The following HPS6 variants were observed in gnomAD, a reference collection of about 807,000 sequenced individuals.
The protein encoded by HPS6 is HPS6 biogenesis of lysosomal organelles complex 2 subunit 3.
A neutral mutation model predicts 53.6 loss-of-function variants in HPS6; 46 were observed. That is an observed-to-expected ratio of 0.86 (90% CI 0.68 to 1.10). The LOEUF (loss-of-function observed/expected upper bound fraction) is 1.10. Ranked by LOEUF, HPS6 falls within the 50% of genes least tolerant of loss-of-function variation. The pLI is 0.00. For missense variants in HPS6, 1,034 were observed against 991.3 expected, an observed-to-expected ratio of 1.04 and a Z score of -0.58; for synonymous variants, 535 against 470.8, an observed-to-expected ratio of 1.14 and a Z score of -1.77.
rs2067960871 is a variant in HPS6 at position 102,065,526 on chromosome 10, G to C, written c.52G>C (p.Gly18Arg). ...GCTCTCGGACCTGAGCGCCTTCGGC[G>C]GCGCGGCGCGGCTCCGGGAGCTGGT... is the stretch of plus-strand genomic sequence containing the variant. ...RLLSDLSAFG[G>R]AARLRELVAG... is the part of the protein sequence containing the mutation. The change falls in exon 1 of 1, where the codon GGC (glycine) becomes CGC (arginine). Residue 18 changes from glycine to arginine, a missense_variant. Gly to Arg is a moderately radical substitution (Grantham distance 125). Coordinates refer to ENST00000299238, the MANE Select transcript of HPS6 (RefSeq NM_024747.6). 2 of 1,550,938 alleles carry C rather than the reference G, an allele frequency of 1.3e-6. No individual in the cohort carries two copies. The highest frequency in any genetic ancestry group is 1.4e-5 in the African/African-American group (1 of 70,856).
At position 102,066,012 on chromosome 10, in the gene HPS6, C is replaced by T. The variant is rs750622914; in HGVS notation, c.538C>T (p.Arg180Cys). ...CGGGGAAGCTAGCACCAGCCTGGGC[C>T]GCACACACGTCCTGCTGCACCACTG... ...PSGEASTSLG[R>C]THVLLHHCPA... The change falls in exon 1 of 1, where the codon CGC becomes TGC. Residue 180 changes from arginine to cysteine, a missense_variant. By Grantham distance (180) the Arg-to-Cys change is radical (BLOSUM62 -3). Transcript: ENST00000299238. 1.9e-6 allele frequency: 3 copies of T among 1,604,508 alleles called. No individual in the cohort carries two copies. Among genetic ancestry groups the T allele is most frequent in the Non-Finnish European group, 1.7e-6 (2 of 1,179,896 alleles).
In HPS6 at chr10:102,067,406, G is replaced by T; in HGVS notation, c.1932G>T (p.Val644=). The change falls in exon 1 of 1, where the codon GTG becomes GTT. Residue 644 remains valine (V), a synonymous_variant. Transcript: ENST00000299238. ...KAVLQAVGQL[V]QKEQWDRALD... ...TGCTCCAAGCTGTCGGGCAGCTGGT[G>T]CAAAAGGAACAATGGGATCGGGCTC... The T allele has an allele frequency of 6.2e-7, 1 of 1,612,910 alleles. No homozygotes were observed. The highest frequency in any genetic ancestry group is 8.5e-7 in the Non-Finnish European group (1 of 1,180,020).
At position 102,067,951 on chromosome 10, in the gene HPS6, T is replaced by C. The variant is rs953028046; in HGVS notation, c.*149T>C. The C allele has an allele frequency of 1.2e-5, 10 of 845,762 alleles. No homozygotes were observed. In the African/African-American group the frequency reaches 1.7e-4, roughly 14 times the overall value. The allele number at this position is 845,762 out of a possible 1,614,324, so 52.4% of individuals were successfully genotyped here. On this transcript the variant is annotated 3_prime_UTR_variant, in exon 1 of 1. Transcript: ENST00000299238. ...GGTGCCTGGGACTTGGAGGGTCCCA[T>C]GTATGGACCTGTGTATGCAATACTG...
Position 102,065,460 on chromosome 10 carries a change from C to A in HPS6, c.-15C>A. The A allele has an allele frequency of 6.5e-7, 1 of 1,549,826 alleles. No homozygotes were observed. The highest frequency in any genetic ancestry group is 8.6e-7 in the Non-Finnish European group (1 of 1,159,522). On this transcript the variant is annotated 5_prime_UTR_variant, in exon 1 of 1. Transcript: ENST00000299238. Reference sequence around the variant, plus strand: ...ACCTGGGCAAAGCCTGGGCGCGCTCCCGCGCAGCGGCGCCATGAAGCGCTC... The same window carrying A: ...ACCTGGGCAAAGCCTGGGCGCGCTCACGCGCAGCGGCGCCATGAAGCGCTC...
chr10:102,065,732 G>C lies in HPS6; in HGVS notation c.258G>C (p.Trp86Cys). Residue 86 changes from tryptophan to cysteine, a missense_variant, in exon 1 of 1, where the codon TGG (tryptophan) becomes TGC (cysteine). Transcript: ENST00000299238. The part of the protein sequence containing the change: ...PSPLDAFFLP[W>C]PARPALVLVW... ...CGCTGGACGCCTTCTTCCTGCCGTG[G>C]CCAGCGCGGCCGGCGCTGGTGCTGG... The C allele has an allele frequency of 6.7e-7, 1 of 1,502,074 alleles. No individual in the cohort carries two copies. Among genetic ancestry groups the C allele is most frequent in the South Asian group, 1.2e-5 (1 of 80,574 alleles). 93.0% of individuals were successfully genotyped at this position (1,502,074 alleles called of 1,614,324 possible).
chr10:102,065,799 G>C lies in HPS6; in HGVS notation c.325G>C (p.Gly109Arg), dbSNP rs2067963987. Residue 109 changes from glycine (G) to arginine (R), a missense_variant, in exon 1 of 1, where the codon GGG (glycine) becomes CGG (arginine). Coordinates refer to ENST00000299238, the MANE Select transcript of HPS6 (RefSeq NM_024747.6). The stretch of plus-strand genomic sequence containing the variant: ...GGCCGAGGTGTGGGGCGCGGGCGTG[G>C]GGCCTGGCTGGCGGCCGCTGCAGAG... ...GLAEVWGAGV[G>R]PGWRPLQSTE... The C allele has an allele frequency of 1.3e-6, 2 of 1,486,236 alleles. No individual in the cohort carries two copies. The highest frequency in any genetic ancestry group is 1.8e-6 in the Non-Finnish European group (2 of 1,128,684). 92.1% of individuals were successfully genotyped at this position (1,486,236 alleles called of 1,614,324 possible). A position where few individuals can be genotyped will look rare whatever the true frequency, so the allele number is the denominator to read the frequency against.
Position 102,065,967 on chromosome 10 carries a change from G to T in HPS6, c.493G>T (p.Val165Phe). The T allele has an allele frequency of 6.3e-7, 1 of 1,596,900 alleles. No individual in the cohort carries two copies. The highest frequency in any genetic ancestry group is 8.5e-7 in the Non-Finnish European group (1 of 1,179,000). ...AGCCGCTTTCAGCCACTGTGTGTGC[G>T]TCCGGACTCTGGAGCCCAGCGGGGA... ...PAAAFSHCVC[V>F]RTLEPSGEAS... The change falls in exon 1 of 1, where the codon GTC becomes TTC. Residue 165 changes from valine to phenylalanine, a missense_variant. Coordinates refer to ENST00000299238, the MANE Select transcript of HPS6 (RefSeq NM_024747.6).
rs2067973076 is a variant in HPS6 at position 102,066,707 on chromosome 10, C to T, written c.1233C>T (p.Tyr411=). The part of the protein sequence containing the change: ...DLVFEEACGY[Y]QRRSLRGAQL... ...TGTTTGAGGAGGCCTGCGGGTACTA[C>T]CAGCGGCGGAGCCTGCGGGGTGCCC... is the stretch of plus-strand genomic sequence containing the variant. The change falls in exon 1 of 1, where the codon TAC becomes TAT. Residue 411 remains tyrosine (Y), a synonymous_variant. Transcript: ENST00000299238. 1 of 1,613,920 alleles carries T rather than the reference C, an allele frequency of 6.2e-7. No homozygotes were observed. The highest frequency in any genetic ancestry group is 8.5e-7 in the Non-Finnish European group (1 of 1,179,990).
Position 102,065,659 on chromosome 10 carries a change from G to T in HPS6, c.185G>T (p.Gly62Val). The change falls in exon 1 of 1, where the codon GGG becomes GTG. Residue 62 changes from glycine (G) to valine (V), a missense_variant. Physicochemically the swap from Gly to Val is moderately radical, Grantham distance 109. Transcript: ENST00000299238. The part of the protein sequence containing the change: ...VAPQLLVASR[G>V]PGAELERAWP... The stretch of plus-strand genomic sequence containing the variant: ...CCACAGCTGCTAGTCGCGTCGCGAG[G>T]GCCCGGCGCGGAGCTAGAGCGGGCC... 1 of 1,536,590 alleles carries T rather than the reference G, an allele frequency of 6.5e-7. No homozygotes were observed. The highest frequency in any genetic ancestry group is 8.7e-7 in the Non-Finnish European group (1 of 1,152,474).
Position 102,067,778 on chromosome 10 carries a change from C to G in HPS6, c.2304C>G (p.Pro768=). The part of the protein sequence containing the change: ...EDILWDPSTP[P]PTPPRDL Reference sequence around the variant, plus strand: ...TCCTATGGGACCCCAGCACTCCACCCCCGACTCCACCTCGGGACCTATGAC... The same window carrying G: ...TCCTATGGGACCCCAGCACTCCACCGCCGACTCCACCTCGGGACCTATGAC... The change falls in exon 1 of 1, where the codon CCC becomes CCG. Residue 768 remains proline, a synonymous_variant. Transcript: ENST00000299238. 1 of 1,613,128 alleles carries G rather than the reference C, an allele frequency of 6.2e-7. No individual in the cohort carries two copies. Among genetic ancestry groups the G allele is most frequent in the South Asian group, 1.1e-5 (1 of 91,088 alleles).
rs371552989 is a variant in HPS6, at chr10:102,065,883, C to A, written c.409C>A (p.Arg137Ser). 2.6e-6 allele frequency: 4 copies of A among 1,535,184 alleles called. No homozygotes were observed. ...TGTGGCAGTGGCGGCGCTCCGAGGC[C>A]GCCTGGTGTGGTGCGAGGAGCGGCA... ...RVVAVAALRG[R>S]LVWCEERQAR... Residue 137 changes from arginine to serine, a missense_variant, in exon 1 of 1, where the codon CGC becomes AGC. Transcript: ENST00000299238.
At position 102,067,749 on chromosome 10, in the gene HPS6, G is replaced by A; in HGVS notation, c.2275G>A (p.Asp759Asn). 6.2e-7 allele frequency: 1 copy of A among 1,613,160 alleles called. No individual in the cohort carries two copies. Among genetic ancestry groups the A allele is most frequent in the Non-Finnish European group, 8.5e-7 (1 of 1,180,028 alleles). ...LSGPVLSPYE[D>N]ILWDPSTPPP... ...GGGCCCAGTTCTAAGCCCATATGAG[G>A]ACATCCTATGGGACCCCAGCACTCC... The change falls in exon 1 of 1, where the codon GAC (aspartate) becomes AAC (asparagine). Residue 759 changes from aspartate to asparagine, a missense_variant. Transcript: ENST00000299238.
chr10:102,065,904 C>T lies in HPS6; in HGVS notation c.430C>T (p.Arg144Trp), dbSNP rs1050883599. The T allele has an allele frequency of 1.3e-6, 2 of 1,541,736 alleles. No individual in the cohort carries two copies. Among genetic ancestry groups the T allele is most frequent in the East Asian group, 4.8e-5 (2 of 41,420 alleles). ...AGGCCGCCTGGTGTGGTGCGAGGAG[C>T]GGCAGGCCCGGGCCGAGGGCCCGTC... The part of the protein sequence containing the change: ...LRGRLVWCEE[R>W]QARAEGPSGS... The change falls in exon 1 of 1, where the codon CGG becomes TGG. Residue 144 changes from arginine (R) to tryptophan (W), a missense_variant. By Grantham distance (101) the Arg-to-Trp change is moderately radical. Coordinates refer to ENST00000299238, the MANE Select transcript of HPS6 (RefSeq NM_024747.6).
In HPS6 at chr10:102,066,516, C is replaced by G; in HGVS notation, c.1042C>G (p.Leu348Val). ...GSGQLLERKV[L>V]STDRVHLLEP... ...TGGGCAGCTGCTGGAGAGGAAGGTC[C>G]TAAGTACAGACAGGGTACATCTGCT... Residue 348 changes from leucine (L) to valine (V), a missense_variant, in exon 1 of 1, where the codon CTA (leucine) becomes GTA (valine). Physicochemically the swap from Leu to Val is conservative, Grantham distance 32. Transcript: ENST00000299238. 6.2e-7 allele frequency: 1 copy of G among 1,614,214 alleles called. No individual in the cohort carries two copies. Among genetic ancestry groups the G allele is most frequent in the Non-Finnish European group, 8.5e-7 (1 of 1,180,036 alleles).
rs1276290322 is a variant in HPS6, at chr10:102,065,663, C to T, written c.189C>T (p.Pro63=). The T allele has an allele frequency of 3.9e-6, 6 of 1,535,194 alleles. No homozygotes were observed. The highest frequency in any genetic ancestry group is 2.5e-5 in the East Asian group (1 of 39,538). ...AGCTGCTAGTCGCGTCGCGAGGGCC[C>T]GGCGCGGAGCTAGAGCGGGCCTGGC... ...APQLLVASRG[P]GAELERAWPA... The change falls in exon 1 of 1, where the codon CCC becomes CCT. Residue 63 remains proline, a synonymous_variant. Transcript: ENST00000299238.
In HPS6 at chr10:102,067,273, C is replaced by T. The variant is rs1255456014; in HGVS notation, c.1799C>T (p.Pro600Leu). ...GGGCCGGGCTGGGGGGCAGGGGGCC[C>T]AGGACTGCCCCTGTATCGCCGAGCT... ...QGGPGWGAGG[P>L]GLPLYRRALA... The change falls in exon 1 of 1, where the codon CCA becomes CTA. Residue 600 changes from proline to leucine, a missense_variant. By Grantham distance (98) the Pro-to-Leu change is moderately conservative. Transcript: ENST00000299238. 7 of 1,612,794 alleles carry T rather than the reference C, an allele frequency of 4.3e-6. No individual in the cohort carries two copies. The highest frequency in any genetic ancestry group is 5.9e-6 in the Non-Finnish European group (7 of 1,179,822).
At position 102,067,023 on chromosome 10, in the gene HPS6, G is replaced by A; in HGVS notation, c.1549G>A (p.Ala517Thr). The change falls in exon 1 of 1, where the codon GCC becomes ACC. Residue 517 changes from alanine (A) to threonine (T), a missense_variant. Ala to Thr is a moderately conservative substitution (Grantham distance 58). Transcript: ENST00000299238. ...CGTTTTCCAAGCCCTTCCTACAGCA[G>A]CCTGGGGTGCCACCCTCAGGGCCCT... ...NTVFQALPTA[A>T]WGATLRALQL... 6.2e-7 allele frequency: 1 copy of A among 1,614,180 alleles called. No individual in the cohort carries two copies. Among genetic ancestry groups the A allele is most frequent in the Non-Finnish European group, 8.5e-7 (1 of 1,180,028 alleles).
At position 102,067,311 on chromosome 10, in the gene HPS6, G is replaced by C; in HGVS notation, c.1837G>C (p.Gly613Arg). The C allele has an allele frequency of 6.2e-7, 1 of 1,613,182 alleles. No homozygotes were observed. Among genetic ancestry groups the C allele is most frequent in the Non-Finnish European group, 8.5e-7 (1 of 1,179,858 alleles). ...GTATCGCCGAGCTCTGGCAGTGCTA[G>C]GTGAGGAGGGGACCAGGCCTGAGGC... Reference protein sequence around the residue: ...PLYRRALAVLGEEGTRPEALE... With the variant: ...PLYRRALAVLREEGTRPEALE... Residue 613 changes from glycine (G) to arginine (R), a missense_variant, in exon 1 of 1, where the codon GGT (glycine) becomes CGT (arginine). Gly to Arg is a moderately radical substitution (Grantham distance 125, BLOSUM62 -2). Transcript: ENST00000299238.
In HPS6 at chr10:102,066,949, G is replaced by C; in HGVS notation, c.1475G>C (p.Arg492Pro). ...GAGCTGGCGGAGCAGGAAGTGGCAC[G>C]CCTGCTGAGGACTGAGTTGATAGGA... Reference protein sequence around the residue: ...WTELAEQEVARLLRTELIGDQ... With the variant: ...WTELAEQEVAPLLRTELIGDQ... The change falls in exon 1 of 1, where the codon CGC (arginine) becomes CCC (proline). Residue 492 changes from arginine (R) to proline (P), a missense_variant. Transcript: ENST00000299238. 4 of 1,614,164 alleles carry C rather than the reference G, an allele frequency of 2.5e-6. No homozygotes were observed. Among genetic ancestry groups the C allele is most frequent in the Non-Finnish European group, 3.4e-6 (4 of 1,180,020 alleles).
Sources: gnomAD v4.1 joint callset for allele counts on GRCh38, gnomAD v4.1.1 for gene constraint, MANE v1.5 for transcripts, NCBI Gene and HGNC (gene_info 2026-07-23, HGNC 2026-07-21) for gene names.